DLG2: variants seen among roughly 807,000 people sequenced by gnomAD.
DLG2 encodes discs large MAGUK scaffold protein 2.
Under a neutral mutation model 132.5 loss-of-function variants are expected in DLG2, and 45 were observed. The ratio of observed to expected loss-of-function variants is 0.34; its 90% CI spans 0.27 to 0.44. The LOEUF (loss-of-function observed/expected upper bound fraction) is 0.44, where lower values mean the gene tolerates loss of function less well. Ranked by LOEUF, DLG2 falls within the 20% of genes least tolerant of loss-of-function variation. DLG2 has a pLI of 1.00. For missense variants in DLG2, 1,045 were observed against 1,196.9 expected (o/e 0.87, Z 1.87); for synonymous variants, 424 against 419.6 (o/e 1.01, Z -0.13).
chr11:83,475,289 T>C (rs2092500184), intron 22 of DLG2, among the ~76,000 whole-genome samples: 1 of 152,130 alleles, frequency 6.6e-6, no homozygotes, highest in Non-Finnish European at 1.5e-5. Flanking sequence ...AAAGCCACTG[T>C]GATGAAGGAG....
chr11:84,058,500 C>G (rs139869202), intron 11 of DLG2, among the ~76,000 whole-genome samples: 9 of 40,752 alleles, frequency 2.2e-4, no homozygotes, highest in Non-Finnish European at 5.4e-4. Flanking sequence ...TACCAAAAAA[C>G]AAATACAATA....
At chr11:83,471,004 G>A (rs2091954591) in intron 24 of DLG2, among the ~76,000 whole-genome samples, 1 of 151,980 alleles carries the variant, frequency 6.6e-6, no homozygotes, top group Admixed American at 6.6e-5. Flanking sequence ...GGGTGGGGAG[G>A]GGAAGAGGCA....
At chr11:85,364,878 T>C (rs1181464201) in intron 3 of DLG2, among the ~76,000 whole-genome samples, 1 of 152,146 alleles carries the variant, frequency 6.6e-6, no homozygotes, top group Non-Finnish European at 1.5e-5. Flanking sequence ...TCTGAGCTTT[T>C]TTTTTTGGTT....
chr11:85,535,831 T>C lies in DLG2; in HGVS notation c.40+62826A>G, dbSNP rs566734282. ...TAAAAAAGAATTAAGTACTGATACA[T>C]GCTACATGGATGAAGCTTGAAAACA... On this transcript the variant is annotated intron_variant, in intron 3 of 27. Coordinates refer to ENST00000376104, the MANE Select transcript of DLG2 (RefSeq NM_001142699.3). Among the ~76,000 whole-genome samples, 15 of 152,336 alleles carry C rather than the reference T, an allele frequency of 9.8e-5. No individual in the cohort carries two copies. The South Asian group carries it at 2.9e-3, about 29-fold the overall frequency.
intron 4 of DLG2, among the ~76,000 whole-genome samples, chr11:85,266,553 A>G (rs1193053754): frequency 6.6e-6 from 1 of 152,046 alleles, no homozygotes; most frequent in Non-Finnish European, 1.5e-5. Context: ...GCACATGTAT[A>G]CCTATATAAC....
intron 15 of DLG2, among the ~76,000 whole-genome samples, chr11:83,906,232 GTCTCTC>G (rs144862801): frequency 1.4e-4 from 10 of 71,672 alleles, no homozygotes; most frequent in South Asian, 7.1e-4. Context: ...TATAGTAGAT[GTCTCTC>G]TCTCTCTCTC....
chr11:84,416,216 A>G (rs952071191), intron 7 of DLG2, among the ~76,000 whole-genome samples: 1 of 152,120 alleles, frequency 6.6e-6, no homozygotes, highest in Non-Finnish European at 1.5e-5. Flanking sequence ...AAAGTCCACA[A>G]TATTACTTCT....
chr11:85,392,952 C>T (rs182939970), intron 3 of DLG2, among the ~76,000 whole-genome samples: 1 of 152,034 alleles, frequency 6.6e-6, no homozygotes, highest in South Asian at 2.1e-4. Flanking sequence ...AAAGCTGATA[C>T]AACAAAAACA....
At chr11:85,296,136 G>A (rs1157962845) in intron 3 of DLG2, among the ~76,000 whole-genome samples, 1 of 152,106 alleles carries the variant, frequency 6.6e-6, no homozygotes, top group Admixed American at 6.6e-5. Context: ...AAAATAAGCA[G>A]CAGAAGAGAA....
At chr11:84,166,327 C>G (rs1685211329) in intron 8 of DLG2, among the ~76,000 whole-genome samples, 1 of 151,786 alleles carries the variant, frequency 6.6e-6, no homozygotes, top group African/African-American at 2.4e-5. Context: ...CATGGTGAAA[C>G]CCTGTCTCTA....
At chr11:84,219,829 C>T (rs910014078) in intron 8 of DLG2, among the ~76,000 whole-genome samples, 16 of 152,298 alleles carry the variant, frequency 1.1e-4, no homozygotes, top group Admixed American at 2.0e-4. Context: ...TAATCATTCA[C>T]TCATTTTATT....
intron 3 of DLG2, among the ~76,000 whole-genome samples, chr11:85,510,726 G>A (rs1174861548): frequency 6.6e-6 from 1 of 152,120 alleles, no homozygotes; most frequent in Non-Finnish European, 1.5e-5. Flanking sequence ...GAAACAATAG[G>A]TGCTGGAAAG....
chr11:83,827,895 C>T (rs1184391504), intron 17 of DLG2, among the ~76,000 whole-genome samples: 1 of 152,162 alleles, frequency 6.6e-6, no homozygotes, highest in Non-Finnish European at 1.5e-5. Context: ...GGTTCAATTA[C>T]TGAATTCCGT....
At chr11:84,835,917 A>G (rs879716674) in intron 6 of DLG2, among the ~76,000 whole-genome samples, 10 of 151,768 alleles carry the variant, frequency 6.6e-5, no homozygotes, top group Non-Finnish European at 1.0e-4. Flanking sequence ...AGAAACTCAA[A>G]TAACCTTAAA....
intron 15 of DLG2, among the ~76,000 whole-genome samples, chr11:83,918,127 A>G (rs2077229697): frequency 6.6e-6 from 1 of 152,172 alleles, no homozygotes. Flanking sequence ...ACCTAGGGAA[A>G]GAGAGAGGGC....
At chr11:83,879,211 A>G (rs1443455941) in intron 15 of DLG2, among the ~76,000 whole-genome samples, 1 of 152,240 alleles carries the variant, frequency 6.6e-6, no homozygotes, top group Non-Finnish European at 1.5e-5. Context: ...AATGAGAGGC[A>G]GGATAAGTGG....
At chr11:83,774,155 T>G (rs1005877626) in intron 18 of DLG2, among the ~76,000 whole-genome samples, 2 of 152,164 alleles carry the variant, frequency 1.3e-5, no homozygotes, top group African/African-American at 2.4e-5. Context: ...TATTTGAAAC[T>G]TCCACACAGG....
intron 3 of DLG2, among the ~76,000 whole-genome samples, chr11:85,590,633 T>TTCTC (rs979440461): frequency 4.0e-5 from 6 of 150,846 alleles, no homozygotes; most frequent in Non-Finnish European, 7.4e-5. Flanking sequence ...TTTTTTTATA[T>TTCTC]TCTCTCTCTC....
intron 10 of DLG2, among the ~76,000 whole-genome samples, chr11:84,087,985 C>A (rs72951828): frequency 0.014 from 2,106 of 152,234 alleles, 12 homozygotes; most frequent in Non-Finnish European, 0.016. Context: ...GGGTTATCTT[C>A]TTATTGTTGA....
Sources: allele counts gnomAD v4.1 joint callset (sites outside exome capture counted in the v4.1 genomes callset), GRCh38; gene constraint gnomAD v4.1.1; transcripts MANE v1.5; gene names NCBI Gene and HGNC (gene_info 2026-07-23, HGNC 2026-07-21).